OR2T35: variants seen among roughly 807,000 people sequenced by gnomAD.
OR2T35 encodes olfactory receptor family 2 subfamily T member 35 (gene/pseudogene).
For synonymous variants in OR2T35, 18 were observed against 110.2 expected (o/e 0.16, Z 5.24); for missense variants, 47 against 278.8 (o/e 0.17, Z 5.92).
At position 248,639,539 on chromosome 1, in the gene OR2T35, A is replaced by G. The variant is rs1177017415; in HGVS notation, c.-22-259T>C. 3.6e-4 allele frequency among the ~76,000 whole-genome samples: 53 copies of G among 146,530 alleles called. No homozygotes were observed. The South Asian group carries it at 0.011, about 31-fold the overall frequency. The stretch of plus-strand genomic sequence containing the variant: ...GATGTGAGATGTAAATGTAATTCAT[A>G]CAGTACCTGGTTTAGAATCTGATTT... On this transcript the variant is annotated intron_variant, in intron 1 of 1. Coordinates refer to ENST00000641268, the MANE Select transcript of OR2T35 (RefSeq NM_001001827.2).
chr1:248,644,099 A>G (rs1170413134), intron 1 of OR2T35, among the ~76,000 whole-genome samples: 1 of 25,876 alleles, frequency 3.9e-5, no homozygotes, highest in African/African-American at 7.1e-5. Context: ...TTTCCACCAC[A>G]CTACTCAAAA....
rs773478284 is a variant in OR2T35 at position 248,638,325 on chromosome 1, G to T, written c.934C>A (p.Gln312Lys). ...RKVLGRCGSS[Q>K]SIRVATVIRK... ...ATCACAGTCGCCACCCTGATGCTCTGGGAGGAACCACATCTCCCTAGTACT... is the reference window on the plus strand; with the variant it reads ...ATCACAGTCGCCACCCTGATGCTCTTGGAGGAACCACATCTCCCTAGTACT... The change falls in exon 2 of 2, where the codon CAG becomes AAG. Residue 312 changes from glutamine to lysine, a missense_variant. Gln to Lys is a moderately conservative substitution (Grantham distance 53). Transcript: ENST00000641268. 7.5e-4 allele frequency: 703 copies of T among 942,610 alleles called. 8 individuals carry two copies. Among genetic ancestry groups the T allele is most frequent in the Middle Eastern group, 2.7e-3 (13 of 4,802 alleles). 58.4% of individuals were successfully genotyped at this position (942,610 alleles called of 1,614,324 possible).
intron 1 of OR2T35, 82 bp from the exon 2 acceptor site, chr1:248,639,362 C>T (rs1158711792): frequency 1.5e-5 from 8 of 525,918 alleles, no homozygotes; most frequent in South Asian, 6.2e-5. Context: ...TCAGAAGCAG[C>T]GTGAGATCAA....
At chr1:248,643,854 C>CT (rs111500757) in intron 1 of OR2T35, among the ~76,000 whole-genome samples, 7,602 of 40,206 alleles carry the variant, frequency 0.19, 420 homozygotes, top group Non-Finnish European at 0.25. Flanking sequence ...GAGGGTTTCT[C>CT]TCTCCTTAAG....
chr1:248,645,083 T>TGG (rs1184051284), intron 1 of OR2T35, among the ~76,000 whole-genome samples, 164 bp downstream of exon 1: 1 of 128,002 alleles, frequency 7.8e-6, no homozygotes, highest in African/African-American at 2.8e-5. Flanking sequence ...ATTTTCAGTG[T>TGG]GGAAAGTTAG....
chr1:248,644,703 C>A (rs1660834063), intron 1 of OR2T35, among the ~76,000 whole-genome samples: 1 of 140,556 alleles, frequency 7.1e-6, no homozygotes, highest in African/African-American at 2.7e-5. Context: ...GAAAGATCCA[C>A]CTGGCAGTTT....
rs1239688022 is a variant in OR2T35, at chr1:248,641,653, GAT to G, written c.-22-2375_-22-2374del. On this transcript the variant is annotated intron_variant, in intron 1 of 1. Coordinates refer to ENST00000641268, the MANE Select transcript of OR2T35 (RefSeq NM_001001827.2). ...AGTAAAAAAGCTGAAACAGGAGAAA[GAT>G]ATGATTTTAGCCACCTCATTTTTAT... Among the ~76,000 whole-genome samples the G allele has an allele frequency of 3.4e-4, 21 of 61,814 alleles. 8 individuals carry two copies. Among genetic ancestry groups the G allele is most frequent in the Non-Finnish European group, 8.5e-4 (21 of 24,838 alleles). The allele number at this position is 61,814 out of a possible 152,430, so 40.6% of individuals were successfully genotyped here.
chr1:248,645,127 A>AC (rs1244697676), intron 1 of OR2T35, 120 bp downstream of exon 1: 2 of 56,450 alleles, frequency 3.5e-5, no homozygotes, highest in Non-Finnish European at 1.3e-4. Flanking sequence ...TGGCTTAAAA[A>AC]AAAAACAAAA....
intron 1 of OR2T35, among the ~76,000 whole-genome samples, chr1:248,642,231 A>G (rs1400803172): frequency 3.2e-4 from 18 of 56,658 alleles, no homozygotes; most frequent in Admixed American, 6.5e-4. Flanking sequence ...AAAAAAAAAA[A>G]AAAAGAAAAA....
At chr1:248,644,486 AAATGGGAATTAGCAGGCACTAG>A (rs1168937142) in intron 1 of OR2T35, among the ~76,000 whole-genome samples, 45 of 127,638 alleles carry the variant, frequency 3.5e-4, no homozygotes, top group Non-Finnish European at 6.3e-4. Context: ...AAAGGCTCGA[AAATGGGAATTAGCAGGCACTAG>A]GGGTGGAAGA....
intron 1 of OR2T35, among the ~76,000 whole-genome samples, chr1:248,641,686 C>T (rs1394264083): frequency 3.5e-5 from 2 of 56,780 alleles, no homozygotes; most frequent in African/African-American, 7.4e-5. Context: ...TTTATACAAC[C>T]GAGACCGTGT....
intron 1 of OR2T35, among the ~76,000 whole-genome samples, chr1:248,642,186 C>T (rs1256488592): frequency 4.1e-5 from 3 of 73,776 alleles, no homozygotes; most frequent in African/African-American, 9.5e-5. Flanking sequence ...CTCTAAGACA[C>T]TTAGGTTCCC....
chr1:248,639,313 C>T (rs1480406272), intron 1 of OR2T35, 33 bp from the exon 2 acceptor site: 55 of 340,702 alleles, frequency 1.6e-4, no homozygotes, highest in Non-Finnish European at 2.0e-4. Context: ...GCTTATTTAA[C>T]GACCTGATAT....
chr1:248,644,464 T>A (rs1482251912), intron 1 of OR2T35, among the ~76,000 whole-genome samples: 1 of 120,964 alleles, frequency 8.3e-6, no homozygotes, highest in Admixed American at 7.9e-5. Flanking sequence ...AGAGACAATG[T>A]AAATAATGTC....
At chr1:248,645,172 TTTATTGAACAC>T (rs1375387702) in intron 1 of OR2T35, 64 bp downstream of exon 1, 2 of 136,970 alleles carry the variant, frequency 1.5e-5, no homozygotes, top group African/African-American at 5.3e-5. Context: ...TAGGTGAACA[TTTATTGAACAC>T]TTACTATGCC....
rs1291988151 is a variant in OR2T35, at chr1:248,637,788, C to T, written c.*499G>A. 9.7e-4 allele frequency: 6 copies of T among 6,186 alleles called. No individual in the cohort carries two copies. In the African/African-American group the frequency reaches 0.011, roughly 12 times the overall value. The allele number at this position is 6,186 out of a possible 1,614,324, so 0.4% of individuals were successfully genotyped here. The stretch of plus-strand genomic sequence containing the variant: ...TACAGACACAGAAGGACTCATCACA[C>T]GTTAGCAATACAGACAGGCAGGACT... On this transcript the variant is annotated 3_prime_UTR_variant, in exon 2 of 2. Coordinates refer to ENST00000641268, the MANE Select transcript of OR2T35 (RefSeq NM_001001827.2).
At chr1:248,641,800 T>C (rs1660787570) in intron 1 of OR2T35, among the ~76,000 whole-genome samples, 1 of 84,058 alleles carries the variant, frequency 1.2e-5, no homozygotes, top group Non-Finnish European at 3.4e-5. Context: ...GTGTGGTGTG[T>C]GCATCTGTGA....
chr1:248,645,036 G>A (rs573498057), intron 1 of OR2T35, among the ~76,000 whole-genome samples: 36 of 114,844 alleles, frequency 3.1e-4, no homozygotes, highest in Middle Eastern at 8.2e-3. Context: ...TGGAAAAGTA[G>A]TCTACTTTCC....
At chr1:248,642,216 C>CAAAAAAAAAAAAAAAAAAAAA (rs61189391) in intron 1 of OR2T35, among the ~76,000 whole-genome samples, 2 of 53,654 alleles carry the variant, frequency 3.7e-5, no homozygotes, top group Non-Finnish European at 5.9e-5. Context: ...CTAGTCTTTC[C>CAAAAAAAAAAAAAAAAAAAAA]AAAAAAAAAA....
Sources: allele counts gnomAD v4.1 joint callset (sites outside exome capture counted in the v4.1 genomes callset), GRCh38; gene constraint gnomAD v4.1.1; transcripts MANE v1.5; gene names NCBI Gene and HGNC (gene_info 2026-07-23, HGNC 2026-07-21).